SH3RF2: variants seen among roughly 807,000 people sequenced by gnomAD.
SH3RF2 encodes the protein E3 ubiquitin-protein ligase SH3RF2.
In SH3RF2, 43 loss-of-function variants were observed where a neutral mutation model predicts 59.0. The ratio of observed to expected loss-of-function variants is 0.73; its 90% CI spans 0.57 to 0.94. The LOEUF (loss-of-function observed/expected upper bound fraction) is 0.94. SH3RF2 is among the 40% of genes least tolerant of loss of function. The pLI is 0.00. For synonymous variants in SH3RF2, 391 were observed against 391.5 expected (o/e 1.00, Z 0.01); for missense variants, 930 against 940.1 (o/e 0.99, Z 0.14).
intron 5 of SH3RF2, among the ~76,000 whole-genome samples, chr5:146,025,395 A>T (rs866910560): frequency 6.6e-6 from 1 of 152,182 alleles, no homozygotes; most frequent in African/African-American, 2.4e-5. Flanking sequence ...GCTGGCCCCC[A>T]GTCCAGGCCT....
chr5:145,953,983 T>C (rs1243180112), intron 2 of SH3RF2, among the ~76,000 whole-genome samples: 2 of 152,252 alleles, frequency 1.3e-5, no homozygotes, highest in Non-Finnish European at 2.9e-5. Context: ...ATTGATTCTA[T>C]GCCTTTGCTA....
intron 5 of SH3RF2, among the ~76,000 whole-genome samples, chr5:146,018,401 T>A (rs1761185309): frequency 6.6e-6 from 1 of 152,134 alleles, no homozygotes; most frequent in Non-Finnish European, 1.5e-5. Context: ...TCCAGTTCCA[T>A]CCAAGTTGTT....
At chr5:146,000,031 A>T (rs759763537) in intron 2 of SH3RF2, 27 bp from the exon 3 acceptor site, 3 of 1,608,984 alleles carry the variant, frequency 1.9e-6, no homozygotes, top group East Asian at 2.2e-5. Flanking sequence ...AGCTAAGTAC[A>T]TATCTTATTG....
At chr5:146,031,326 G>T (rs1043541653) in intron 5 of SH3RF2, among the ~76,000 whole-genome samples, 1 of 152,238 alleles carries the variant, frequency 6.6e-6, no homozygotes. Context: ...GGCATGAAGA[G>T]ATGGTTAGTA....
chr5:146,058,598 T>G (rs921152197), intron 8 of SH3RF2, among the ~76,000 whole-genome samples: 1 of 152,162 alleles, frequency 6.6e-6, no homozygotes, highest in African/African-American at 2.4e-5. Flanking sequence ...ACAAATGACT[T>G]TGATTCAAAC....
chr5:146,034,590 C>G (rs1017600193), intron 5 of SH3RF2, among the ~76,000 whole-genome samples: 5 of 152,124 alleles, frequency 3.3e-5, no homozygotes, highest in Admixed American at 6.5e-5. Flanking sequence ...TGGCCACATT[C>G]TAATAATCCT....
At chr5:146,029,837 C>G (rs1761679397) in intron 5 of SH3RF2, among the ~76,000 whole-genome samples, 1 of 152,062 alleles carries the variant, frequency 6.6e-6, no homozygotes, top group Admixed American at 6.5e-5. Flanking sequence ...GAAAATTGAC[C>G]ATTTTCTTTC....
intron 2 of SH3RF2, among the ~76,000 whole-genome samples, chr5:145,998,898 A>G (rs1354692376): frequency 6.6e-6 from 1 of 152,248 alleles, no homozygotes; most frequent in Non-Finnish European, 1.5e-5. Context: ...CAACAGAGCA[A>G]GACTCCATCT....
chr5:146,060,053 C>T lies in SH3RF2; in HGVS notation c.1743C>T (p.Ala581=), dbSNP rs1398309997. 3.1e-6 allele frequency: 5 copies of T among 1,613,782 alleles called. No individual in the cohort carries two copies. In the East Asian group the frequency reaches 6.7e-5, roughly 22 times the overall value. Residue 581 remains alanine, a synonymous_variant, in exon 9 of 10, where the codon GCC becomes GCT. Coordinates refer to ENST00000359120, the MANE Select transcript of SH3RF2 (RefSeq NM_152550.4). ...AGCCTGCCCTCACGGGGGAGCCCGC[C>T]CTCACGTGCATCAGCAGGGGCAGTG... ...GSKPALTGEP[A]LTCISRGSEA...
chr5:146,062,073 G>C (rs1306022095), intron 9 of SH3RF2, among the ~76,000 whole-genome samples: 2 of 152,180 alleles, frequency 1.3e-5, no homozygotes, highest in Non-Finnish European at 2.9e-5. Flanking sequence ...AGAGAGGAGA[G>C]AGGCAAGGTA....
chr5:146,044,682 C>T (rs1019738375), intron 5 of SH3RF2, among the ~76,000 whole-genome samples: 8 of 152,226 alleles, frequency 5.3e-5, no homozygotes, highest in African/African-American at 1.7e-4. Context: ...CTGCAGCTAT[C>T]GTTCTCCCAC....
intron 2 of SH3RF2, chr5:145,998,138 C>G (rs2149981970): frequency 2.2e-6 from 1 of 452,384 alleles, no homozygotes; most frequent in South Asian, 4.2e-5. Flanking sequence ...TTTTCCCTTA[C>G]CTCTCCAAAT....
chr5:146,074,603 CA>C (rs1763306180), intron 9 of SH3RF2, among the ~76,000 whole-genome samples: 1 of 151,662 alleles, frequency 6.6e-6, no homozygotes, highest in South Asian at 2.1e-4. Context: ...CAAAACAAAA[CA>C]AAAAAACCAG....
At chr5:146,053,435 G>C (rs189477076) in intron 7 of SH3RF2, among the ~76,000 whole-genome samples, 1 of 107,670 alleles carries the variant, frequency 9.3e-6, no homozygotes, top group African/African-American at 3.5e-5. Flanking sequence ...GGAGGCAGAG[G>C]TTTCCTTTCT....
intron 2 of SH3RF2, among the ~76,000 whole-genome samples, chr5:145,950,205 T>TATTTTCAGATA (rs1758142165): frequency 6.6e-6 from 1 of 152,230 alleles, no homozygotes; most frequent in South Asian, 2.1e-4. Flanking sequence ...ATTTTCCCAC[T>TATTTTCAGATA]TTACAGATGA....
chr5:145,945,210 T>A (rs1243986081), intron 2 of SH3RF2, among the ~76,000 whole-genome samples: 1 of 152,132 alleles, frequency 6.6e-6, no homozygotes, highest in African/African-American at 2.4e-5. Flanking sequence ...ATTTTAGAAA[T>A]GTTAAGATGT....
At chr5:146,021,475 T>C (rs942413360) in intron 5 of SH3RF2, among the ~76,000 whole-genome samples, 2 of 152,178 alleles carry the variant, frequency 1.3e-5, no homozygotes, top group Non-Finnish European at 2.9e-5. Context: ...GGAGGCACCA[T>C]TAGATGAACA....
chr5:146,062,152 C>T (rs572934036), intron 9 of SH3RF2, among the ~76,000 whole-genome samples: 1 of 152,256 alleles, frequency 6.6e-6, no homozygotes, highest in East Asian at 1.9e-4. Flanking sequence ...CGGCGGCCTA[C>T]CCTATTTCTC....
rs762825392 is a variant in SH3RF2, at chr5:145,937,969, T to C, written c.41T>C (p.Val14Ala). The C allele has an allele frequency of 7.7e-5, 125 of 1,614,080 alleles. No homozygotes were observed. Among genetic ancestry groups the C allele is most frequent in the Non-Finnish European group, 1.0e-4 (119 of 1,180,036 alleles). Residue 14 changes from valine (V) to alanine (A), a missense_variant, in exon 2 of 10, where the codon GTG (valine) becomes GCG (alanine). Coordinates refer to ENST00000359120, the MANE Select transcript of SH3RF2 (RefSeq NM_152550.4). Reference protein sequence around the residue: ...LTLLDLLECPVCFEKLDVTAK... With the variant: ...LTLLDLLECPACFEKLDVTAK... ...TTACTTGATCTTCTGGAGTGCCCTGTGTGCTTTGAGAAGCTCGATGTCACA... is the reference window on the plus strand; with the variant it reads ...TTACTTGATCTTCTGGAGTGCCCTGCGTGCTTTGAGAAGCTCGATGTCACA...
Sources: allele counts gnomAD v4.1 joint callset (sites outside exome capture counted in the v4.1 genomes callset), GRCh38; gene constraint gnomAD v4.1.1; transcripts MANE v1.5; gene names NCBI Gene and HGNC (gene_info 2026-07-23, HGNC 2026-07-21).